NOVA1: variants seen among roughly 807,000 people sequenced by gnomAD.
NOVA1 encodes the protein NOVA alternative splicing regulator 1.
A neutral mutation model predicts 38.0 loss-of-function variants in NOVA1; 7 were observed. That is an observed-to-expected ratio of 0.18 (90% CI 0.10 to 0.35). The LOEUF (loss-of-function observed/expected upper bound fraction) is 0.35. Ranked by LOEUF, NOVA1 falls within the 10% of genes least tolerant of loss-of-function variation. The pLI is 1.00. For synonymous variants in NOVA1, 270 were observed against 232.5 expected (o/e 1.16, Z -1.47); for missense variants, 460 against 616.0 (o/e 0.75, Z 2.68).
chr14:26,587,308 T>A (rs200719679), intron 2 of NOVA1, among the ~76,000 whole-genome samples: 1,320 of 122,956 alleles, frequency 0.011, no homozygotes, highest in Non-Finnish European at 0.015. Context: ...CTAAAATATA[T>A]AAAAAAAAAA....
chr14:26,538,474 T>C (rs1345842228), intron 2 of NOVA1, among the ~76,000 whole-genome samples: 1 of 152,192 alleles, frequency 6.6e-6, no homozygotes, highest in Non-Finnish European at 1.5e-5. Flanking sequence ...AAAGTTTATG[T>C]CGATTAAATT....
At chr14:26,575,106 G>A (rs1892754696) in intron 2 of NOVA1, among the ~76,000 whole-genome samples, 1 of 152,156 alleles carries the variant, frequency 6.6e-6, no homozygotes, top group Admixed American at 6.5e-5. Flanking sequence ...TGTAATAACT[G>A]CAGATTTAGA....
chr14:26,497,646 C>A (rs1435443555), intron 2 of NOVA1, among the ~76,000 whole-genome samples: 3 of 152,138 alleles, frequency 2.0e-5, no homozygotes, highest in Non-Finnish European at 4.4e-5. Context: ...CTCAATGCCT[C>A]CTTATTCAAT....
chr14:26,450,468 C>T (rs1882574504), intron 4 of NOVA1, among the ~76,000 whole-genome samples: 1 of 151,918 alleles, frequency 6.6e-6, no homozygotes. Flanking sequence ...TGTTTCATTA[C>T]AATTTATTAA....
chr14:26,531,773 G>A (rs1889735254), intron 2 of NOVA1, among the ~76,000 whole-genome samples: 1 of 151,970 alleles, frequency 6.6e-6, no homozygotes. Flanking sequence ...TAAATGAAAA[G>A]GTAAACCACG....
intron 4 of NOVA1, among the ~76,000 whole-genome samples, chr14:26,459,925 ATAT>A (rs931977939): frequency 1.3e-5 from 2 of 151,996 alleles, no homozygotes; most frequent in African/African-American, 4.8e-5. Flanking sequence ...TTAAAATTAA[ATAT>A]TATTAGTTAA....
intron 2 of NOVA1, among the ~76,000 whole-genome samples, chr14:26,572,202 C>A (rs987797893): frequency 6.6e-6 from 1 of 151,978 alleles, no homozygotes; most frequent in African/African-American, 2.4e-5. Context: ...GGGAAAACAT[C>A]AAGAACATAA....
At chr14:26,463,108 A>G (rs1188837938) in intron 4 of NOVA1, among the ~76,000 whole-genome samples, 2 of 152,170 alleles carry the variant, frequency 1.3e-5, no homozygotes, top group Admixed American at 6.5e-5. Context: ...AAATAGCTTC[A>G]CCAGATACTA....
At chr14:26,493,799 C>A (rs867151964) in intron 2 of NOVA1, among the ~76,000 whole-genome samples, 21 of 152,170 alleles carry the variant, frequency 1.4e-4, no homozygotes, top group Non-Finnish European at 2.8e-4. Flanking sequence ...ATTAATCTGC[C>A]CCCTGTGAAC....
chr14:26,532,025 A>T (rs1445871561), intron 2 of NOVA1, among the ~76,000 whole-genome samples: 1 of 152,230 alleles, frequency 6.6e-6, no homozygotes. Flanking sequence ...AATGGCTAAA[A>T]TTTTAAAAAG....
chr14:26,486,696 CAAAA>C (rs59078775), intron 2 of NOVA1, among the ~76,000 whole-genome samples: 3 of 23,106 alleles, frequency 1.3e-4, no homozygotes, highest in African/African-American at 1.7e-4. Flanking sequence ...GTGACAGACT[CAAAA>C]AAAAAAAAAA....
rs892250519 is a variant in NOVA1 at position 26,596,850 on chromosome 14, C to A, written c.136+451G>T. The stretch of plus-strand genomic sequence containing the variant: ...GATGGAGAGAGGAAAAACTCTCCGG[C>A]GCCCCAGTCATTCGCAATCCGCTAC... On this transcript the variant is annotated intron_variant, in intron 1 of 4. Transcript: ENST00000539517. 1.6e-5 allele frequency: 18 copies of A among 1,106,336 alleles called. No individual in the cohort carries two copies. In the African/African-American group the frequency reaches 2.7e-4, roughly 16 times the overall value. The allele number at this position is 1,106,336 out of a possible 1,614,324, so 68.5% of individuals were successfully genotyped here.
intron 2 of NOVA1, among the ~76,000 whole-genome samples, chr14:26,543,123 T>C (rs1054633298): frequency 2.0e-5 from 3 of 152,128 alleles, no homozygotes; most frequent in African/African-American, 7.2e-5. Flanking sequence ...TTACGCATTG[T>C]ATGAATGCAT....
chr14:26,464,749 AAT>A (rs1482646966), intron 4 of NOVA1, among the ~76,000 whole-genome samples: 6 of 152,112 alleles, frequency 3.9e-5, no homozygotes, highest in Non-Finnish European at 8.8e-5. Context: ...TGAAAATTGT[AAT>A]ATATTTATAT....
At chr14:26,519,894 T>C (rs1172860056) in intron 2 of NOVA1, among the ~76,000 whole-genome samples, 1 of 152,090 alleles carries the variant, frequency 6.6e-6, no homozygotes, top group Admixed American at 6.6e-5. Context: ...TGTTAAATAA[T>C]GCAAGAAATA....
intron 2 of NOVA1, chr14:26,592,888 T>C (rs1893946473): frequency 6.6e-6 from 1 of 151,722 alleles, no homozygotes. Context: ...ACTAGTATTT[T>C]AACTAAACCT....
chr14:26,579,267 A>G (rs1893063920), intron 2 of NOVA1, among the ~76,000 whole-genome samples: 1 of 152,026 alleles, frequency 6.6e-6, no homozygotes, highest in South Asian at 2.1e-4. Context: ...CGTGTTGGCC[A>G]GGATGGTCCC....
At chr14:26,461,316 G>A (rs1292862563) in intron 4 of NOVA1, among the ~76,000 whole-genome samples, 1 of 152,044 alleles carries the variant, frequency 6.6e-6, no homozygotes, top group African/African-American at 2.4e-5. Flanking sequence ...ACTTAAAAAC[G>A]TCTTCATATA....
At chr14:26,579,180 C>T (rs764703517) in intron 2 of NOVA1, among the ~76,000 whole-genome samples, 14 of 151,492 alleles carry the variant, frequency 9.2e-5, no homozygotes, top group Non-Finnish European at 1.8e-4. Context: ...GCCTCAGCCT[C>T]CCGAGTAGGT....
Sources: allele counts gnomAD v4.1 joint callset (sites outside exome capture counted in the v4.1 genomes callset), GRCh38; gene constraint gnomAD v4.1.1; transcripts MANE v1.5; gene names NCBI Gene and HGNC (gene_info 2026-07-23, HGNC 2026-07-21).